The following KCNH1 variants were observed in gnomAD, a reference collection of about 807,000 sequenced individuals.
KCNH1 encodes potassium voltage-gated channel subfamily H member 1, also known as voltage-gated delayed rectifier potassium channel KCNH1.
Under a neutral mutation model 69.2 loss-of-function variants are expected in KCNH1, and 27 were observed. The ratio of observed to expected loss-of-function variants is 0.39; its 90% CI spans 0.29 to 0.54. KCNH1 has a LOEUF of 0.54. Among genes scored for constraint, KCNH1 ranks in the 20% least tolerant of loss-of-function variants. The pLI, the probability that KCNH1 is intolerant of heterozygous loss-of-function variation, is 0.68. For missense variants in KCNH1, 798 were observed against 1,261.6 expected (o/e 0.63, Z 5.57); for synonymous variants, 456 against 487.7 (o/e 0.93, Z 0.86).
rs1196345330 is a variant in KCNH1 at position 210,708,190 on chromosome 1, CTTTTACTCTGGATGG to C, written c.2113-24067_2113-24053del. Among the ~76,000 whole-genome samples, 749 of 152,092 alleles carry C rather than the reference CTTTTACTCTGGATGG, an allele frequency of 4.9e-3. 10 individuals are homozygous for C. The highest frequency in any genetic ancestry group is 0.017 in the African/African-American group (703 of 41,444). On this transcript the variant is annotated intron_variant, in intron 10 of 10. Coordinates refer to ENST00000271751, the MANE Select transcript of KCNH1 (RefSeq NM_172362.3). ...CCCTTTCTGGAGCCCATTTATGCTGCTTTTACTCTGGATGGCTCTTCCCTTCCCCCACTCCCATTG... is the reference window on the plus strand; with the variant it reads ...CCCTTTCTGGAGCCCATTTATGCTGCCTCTTCCCTTCCCCCACTCCCATTG...
At chr1:210,684,733 C>G (rs144099799) in intron 10 of KCNH1, among the ~76,000 whole-genome samples, 1 of 152,188 alleles carries the variant, frequency 6.6e-6, no homozygotes, top group Non-Finnish European at 1.5e-5. Context: ...CATTCTCACA[C>G]GGAAGTCCTT....
At chr1:210,973,959 T>G (rs1451647174) in intron 6 of KCNH1, among the ~76,000 whole-genome samples, 3 of 152,180 alleles carry the variant, frequency 2.0e-5, no homozygotes, top group Non-Finnish European at 4.4e-5. Flanking sequence ...GTATTTTTCT[T>G]GCCATCTATT....
intron 6 of KCNH1, among the ~76,000 whole-genome samples, chr1:210,926,267 AC>A (rs1687571515): frequency 6.7e-6 from 1 of 149,098 alleles, no homozygotes; most frequent in African/African-American, 2.5e-5. Context: ...CCATCTAAAC[AC>A]ACACACACAC....
At chr1:211,058,655 A>G (rs1342600713) in intron 5 of KCNH1, among the ~76,000 whole-genome samples, 1 of 152,196 alleles carries the variant, frequency 6.6e-6, no homozygotes, top group Non-Finnish European at 1.5e-5. Flanking sequence ...AATCACCTTC[A>G]TGAAAAGATA....
At chr1:210,823,267 AAAGTCAAT>A in intron 7 of KCNH1, among the ~76,000 whole-genome samples, 1 of 152,310 alleles carries the variant, frequency 6.6e-6, no homozygotes, top group East Asian at 1.9e-4. Flanking sequence ...CCCAAATTTG[AAAGTCAAT>A]AAGTCAGTGA....
chr1:210,993,643 A>C (rs1260231607), intron 6 of KCNH1, among the ~76,000 whole-genome samples: 2 of 152,242 alleles, frequency 1.3e-5, no homozygotes, highest in Non-Finnish European at 2.9e-5. Context: ...ACCGTTTATT[A>C]TAGTTTCACA....
intron 7 of KCNH1, among the ~76,000 whole-genome samples, chr1:210,899,742 G>A (rs1045058734): frequency 1.3e-5 from 2 of 152,170 alleles, no homozygotes; most frequent in Non-Finnish European, 1.5e-5. Context: ...AACACTTTAA[G>A]GCAAAAACAT....
chr1:211,107,948 C>G (rs879273911), intron 1 of KCNH1, among the ~76,000 whole-genome samples: 2 of 152,186 alleles, frequency 1.3e-5, no homozygotes, highest in Non-Finnish European at 2.9e-5. Context: ...TAACTAGACT[C>G]TCTTAATACT....
intron 10 of KCNH1, among the ~76,000 whole-genome samples, chr1:210,726,816 T>C (rs201764042): frequency 0.016 from 2,208 of 140,590 alleles, 54 homozygotes; most frequent in African/African-American, 0.057. Flanking sequence ...CCGGCGGGGG[T>C]GGGGTGGACT....
intron 8 of KCNH1, among the ~76,000 whole-genome samples, chr1:210,799,109 A>T (rs989002026): frequency 6.4e-5 from 9 of 139,700 alleles, no homozygotes; most frequent in Middle Eastern, 3.8e-3. Flanking sequence ...AGAAAACAAT[A>T]AAAAAAAAAG....
intron 6 of KCNH1, among the ~76,000 whole-genome samples, chr1:210,980,399 C>T (rs1026320771): frequency 1.1e-4 from 16 of 152,106 alleles, no homozygotes; most frequent in African/African-American, 3.9e-4. Context: ...ACTAACTTGC[C>T]CTAACAGGAG....
In KCNH1 at chr1:210,885,210, C is replaced by T. The variant is rs946591151; in HGVS notation, c.1462+34430G>A. ...ATTTCTGCTTTCCAACTGAGGTACCCGGCTCATCTCACTGTGACTGGTTAG... is the reference window on the plus strand; with the variant it reads ...ATTTCTGCTTTCCAACTGAGGTACCTGGCTCATCTCACTGTGACTGGTTAG... On this transcript the variant is annotated intron_variant, in intron 7 of 10. Transcript: ENST00000271751. 3.9e-5 allele frequency among the ~76,000 whole-genome samples: 6 copies of T among 152,176 alleles called. 1 individual carries two copies. The highest frequency in any genetic ancestry group is 9.7e-5 in the African/African-American group (4 of 41,444).
At chr1:210,818,579 G>A (rs1684864449) in intron 7 of KCNH1, among the ~76,000 whole-genome samples, 1 of 152,100 alleles carries the variant, frequency 6.6e-6, no homozygotes, top group African/African-American at 2.4e-5. Context: ...ATTTTGGTGA[G>A]GATTAAATTT....
intron 7 of KCNH1, chr1:210,858,075 G>T (rs1255036763): frequency 1.3e-5 from 2 of 152,154 alleles, no homozygotes; most frequent in Non-Finnish European, 2.9e-5. Flanking sequence ...TGTCACAATT[G>T]TTATAAATTG....
Position 210,684,084 on chromosome 1 carries a change from G to A in KCNH1, c.2167C>T (p.Arg723Ter), listed in dbSNP as rs777413393. ...VKREEEERMK[R>*]KNEAPLILPP... Reference sequence around the variant, plus strand: ...AAGATCAGGGGGGCCTCATTCTTTCGTTTCATGCGTTCTTCCTCTTCACGT... The same window carrying A: ...AAGATCAGGGGGGCCTCATTCTTTCATTTCATGCGTTCTTCCTCTTCACGT... The change falls in exon 11 of 11, where the codon CGA (arginine) becomes TGA (stop). Residue 723 changes from arginine to a stop codon, truncating the protein, a stop_gained. Coordinates refer to ENST00000271751, the MANE Select transcript of KCNH1 (RefSeq NM_172362.3). LOFTEE classifies it low-confidence loss of function (END_TRUNC). 8 of 1,516,956 alleles carry A rather than the reference G, an allele frequency of 5.3e-6. No individual in the cohort carries two copies. The highest frequency in any genetic ancestry group is 2.7e-5 in the South Asian group (2 of 75,006). The allele number at this position is 1,516,956 out of a possible 1,614,324, so 94.0% of individuals were successfully genotyped here. A position where few individuals can be genotyped will look rare whatever the true frequency, so the allele number is the denominator to read the frequency against.
At chr1:211,013,319 CAAT>C (rs1191436885) in intron 6 of KCNH1, among the ~76,000 whole-genome samples, 2 of 152,262 alleles carry the variant, frequency 1.3e-5, no homozygotes, top group East Asian at 3.9e-4. Flanking sequence ...GCAGGGTAGG[CAAT>C]GACACCTTGG....
rs1277864592 is a variant in KCNH1, at chr1:210,714,016, A to AT, written c.2113-29879dup. On this transcript the variant is annotated intron_variant, in intron 10 of 10. Transcript: ENST00000271751. ...TAAACCAAAGGGTATGAATATCGAC[A>AT]TTTTTTTCTAACCTACGGGGCTAAT... Among the ~76,000 whole-genome samples, 6 of 152,072 alleles carry AT rather than the reference A, an allele frequency of 3.9e-5. No individual in the cohort carries two copies. The South Asian group carries it at 6.2e-4, about 16-fold the overall frequency.
chr1:210,929,141 G>C (rs1292097063), intron 6 of KCNH1, among the ~76,000 whole-genome samples: 2 of 152,110 alleles, frequency 1.3e-5, no homozygotes, highest in Non-Finnish European at 2.9e-5. Flanking sequence ...CATTCCAAAA[G>C]ACAGAGAAAG....
chr1:210,939,242 C>CG (rs1490959413), intron 6 of KCNH1, among the ~76,000 whole-genome samples: 1 of 151,862 alleles, frequency 6.6e-6, no homozygotes, highest in Non-Finnish European at 1.5e-5. Context: ...CATTTGACTG[C>CG]GGGGGGAGAC....
Sources: allele counts gnomAD v4.1 joint callset (sites outside exome capture counted in the v4.1 genomes callset), GRCh38; gene constraint gnomAD v4.1.1; transcripts MANE v1.5; gene names NCBI Gene and HGNC (gene_info 2026-07-23, HGNC 2026-07-21).